The following STARD13 variants were observed in gnomAD, a reference collection of about 807,000 sequenced individuals.
The protein encoded by STARD13 is StAR related lipid transfer domain containing 13.
Under a neutral mutation model 106.4 loss-of-function variants are expected in STARD13, and 62 were observed. The observed-to-expected ratio is 0.58, with a 90% CI of 0.48 to 0.72. The LOEUF is 0.72. STARD13 is among the 30% of genes least tolerant of loss of function. The pLI is 0.00. For synonymous variants in STARD13, 565 were observed against 553.0 expected (o/e 1.02, Z -0.31); for missense variants, 1,387 against 1,424.0 (o/e 0.97, Z 0.42).
At chr13:33,590,398 A>G in the STARD13 span, among the ~76,000 whole-genome samples, 10 of 152,206 alleles carry the variant, frequency 6.6e-5, no homozygotes, top group South Asian at 2.1e-3. Flanking sequence ...ACACATGCAC[A>G]CATATGTTTA....
At chr13:33,223,074 G>A (rs1435870631) in intron 1 of STARD13, among the ~76,000 whole-genome samples, 3 of 152,330 alleles carry the variant, frequency 2.0e-5, no homozygotes, top group African/African-American at 7.2e-5. Flanking sequence ...CAGACCACCT[G>A]TTAATTTAGT....
At chr13:33,513,957 T>C in the STARD13 span, among the ~76,000 whole-genome samples, 2 of 152,178 alleles carry the variant, frequency 1.3e-5, no homozygotes, top group African/African-American at 2.4e-5. Context: ...GCTTTGTAGA[T>C]TGAGAGAAAA....
chr13:33,471,443 A>G, the STARD13 span, among the ~76,000 whole-genome samples: 1 of 152,184 alleles, frequency 6.6e-6, no homozygotes, highest in African/African-American at 2.4e-5. Flanking sequence ...AGATCTATTT[A>G]AATAAACTCC....
chr13:33,594,381 T>G, the STARD13 span, among the ~76,000 whole-genome samples: 1 of 152,206 alleles, frequency 6.6e-6, no homozygotes, highest in African/African-American at 2.4e-5. Flanking sequence ...TCATCTCATA[T>G]CTGGTTGCAT....
chr13:33,502,205 G>C, the STARD13 span, among the ~76,000 whole-genome samples: 22 of 152,230 alleles, frequency 1.4e-4, no homozygotes, highest in Non-Finnish European at 1.8e-4. Context: ...TGGTGTACAG[G>C]AATGCCTGTG....
At chr13:33,463,899 C>A in the STARD13 span, among the ~76,000 whole-genome samples, 2 of 151,732 alleles carry the variant, frequency 1.3e-5, no homozygotes, top group Admixed American at 1.3e-4. Flanking sequence ...GTAATCCCAG[C>A]TATCAGGAGG....
chr13:33,234,696 C>T (rs1315560162), intron 1 of STARD13, among the ~76,000 whole-genome samples: 1 of 152,158 alleles, frequency 6.6e-6, no homozygotes. Context: ...AGGCAAGTCA[C>T]CTAATCTTAT....
At chr13:33,310,666 A>G (rs1893096115) in intron 1 of STARD13, among the ~76,000 whole-genome samples, 2 of 152,128 alleles carry the variant, frequency 1.3e-5, no homozygotes, top group Non-Finnish European at 2.9e-5. Flanking sequence ...TTGAATTTTA[A>G]TATATAATCT....
chr13:33,190,411 A>T (rs1303170051), intron 1 of STARD13, among the ~76,000 whole-genome samples: 1 of 152,046 alleles, frequency 6.6e-6, no homozygotes, highest in Non-Finnish European at 1.5e-5. Flanking sequence ...ACAGAGAAAG[A>T]CCCTGTCTCA....
the STARD13 span, among the ~76,000 whole-genome samples, chr13:33,644,127 T>C: frequency 6.6e-6 from 1 of 152,202 alleles, no homozygotes; most frequent in Non-Finnish European, 1.5e-5. Context: ...AGGACAAGAA[T>C]GGACCACCCA....
intron 1 of STARD13, among the ~76,000 whole-genome samples, chr13:33,229,930 T>C (rs563860802): frequency 2.8e-4 from 43 of 152,240 alleles, no homozygotes; most frequent in African/African-American, 9.9e-4. Context: ...AGTGGCTTAG[T>C]GGTGGTTGCC....
At chr13:33,253,638 C>T (rs984012079) in intron 1 of STARD13, among the ~76,000 whole-genome samples, 2 of 152,192 alleles carry the variant, frequency 1.3e-5, no homozygotes, top group East Asian at 3.9e-4. Context: ...GATGCCTTCT[C>T]GGCCACCTCT....
the STARD13 span, among the ~76,000 whole-genome samples, chr13:33,505,052 C>T: frequency 2.0e-5 from 3 of 152,178 alleles, no homozygotes. Flanking sequence ...GCCCAACACT[C>T]CCTGTCCTAA....
chr13:33,544,750 G>T, the STARD13 span, among the ~76,000 whole-genome samples: 111 of 135,690 alleles, frequency 8.2e-4, 1 homozygote, highest in African/African-American at 2.5e-3. Flanking sequence ...GCATGGTTTT[G>T]TTTTTTTGTT....
chr13:33,566,639 A>AAC, the STARD13 span, among the ~76,000 whole-genome samples: 1 of 148,326 alleles, frequency 6.7e-6, no homozygotes, highest in Non-Finnish European at 1.5e-5. Flanking sequence ...GATCAAGGAC[A>AAC]CAGTGAATAG....
the STARD13 span, among the ~76,000 whole-genome samples, chr13:33,494,018 C>A: frequency 1.3e-4 from 10 of 76,452 alleles, no homozygotes; most frequent in Non-Finnish European, 3.1e-4. Flanking sequence ...CTTTGGGAAC[C>A]CTGTGTTCAT....
chr13:33,464,037 A>ATATATATG, the STARD13 span, among the ~76,000 whole-genome samples: 126 of 141,028 alleles, frequency 8.9e-4, no homozygotes, highest in Non-Finnish European at 1.2e-3. Context: ...ATATATATAT[A>ATATATATG]TATATGTATA....
chr13:33,189,706 G>T (rs150569458), intron 1 of STARD13, among the ~76,000 whole-genome samples: 235 of 151,648 alleles, frequency 1.5e-3, no homozygotes, highest in Admixed American at 3.3e-3. Flanking sequence ...AAACTTCAAC[G>T]CCTTTCTCAA....
chr13:33,339,616 C>G (rs369115359), intron 1 of STARD13, among the ~76,000 whole-genome samples: 21 of 152,298 alleles, frequency 1.4e-4, no homozygotes, highest in African/African-American at 4.8e-4. Flanking sequence ...TGTTTTAGAT[C>G]TAAGAGCTAG....
Sources: allele counts gnomAD v4.1 joint callset (sites outside exome capture counted in the v4.1 genomes callset), GRCh38; gene constraint gnomAD v4.1.1; transcripts MANE v1.5; gene names NCBI Gene and HGNC (gene_info 2026-07-23, HGNC 2026-07-21).